Variants in EIF2AK4 observed in about 807,000 individuals in gnomAD.
EIF2AK4 encodes eIF-2-alpha kinase GCN2.
Under a neutral mutation model 211.1 loss-of-function variants are expected in EIF2AK4, and 139 were observed. The ratio of observed to expected loss-of-function variants is 0.66; its 90% CI spans 0.57 to 0.76. EIF2AK4 has a LOEUF of 0.76. EIF2AK4 is among the 30% of genes least tolerant of loss of function. EIF2AK4 has a pLI of 0.00. For missense variants in EIF2AK4, 1,664 were observed against 2,043.8 expected, an observed-to-expected ratio of 0.81 and a Z score of 3.58; for synonymous variants, 710 against 751.3, an observed-to-expected ratio of 0.94 and a Z score of 0.90.
At chr15:39,966,358 G>C (rs2034544061) in intron 8 of EIF2AK4, among the ~76,000 whole-genome samples, 1 of 151,842 alleles carries the variant, frequency 6.6e-6, no homozygotes, top group Non-Finnish European at 1.5e-5. Context: ...GGTCCCAGCT[G>C]CTTGGGAGGC....
At chr15:39,989,385 T>G (rs1260976600) in intron 15 of EIF2AK4, among the ~76,000 whole-genome samples, 3 of 152,222 alleles carry the variant, frequency 2.0e-5, no homozygotes, top group Non-Finnish European at 4.4e-5. Context: ...TTTACACATG[T>G]GTAGTTTGTA....
chr15:39,939,940 C>A (rs2034121831), intron 2 of EIF2AK4, among the ~76,000 whole-genome samples: 1 of 152,204 alleles, frequency 6.6e-6, no homozygotes, highest in African/African-American at 2.4e-5. Context: ...ACAATAAAGG[C>A]ATGGTGACTG....
At chr15:39,959,098 A>G (rs546626837) in intron 6 of EIF2AK4, among the ~76,000 whole-genome samples, 108 of 152,330 alleles carry the variant, frequency 7.1e-4, no homozygotes, top group Admixed American at 3.7e-3. Flanking sequence ...AACTGATAAC[A>G]TGGGTGATAT....
intron 33 of EIF2AK4, among the ~76,000 whole-genome samples, chr15:40,027,716 C>A (rs1454877232): frequency 6.6e-6 from 1 of 152,038 alleles, no homozygotes; most frequent in Non-Finnish European, 1.5e-5. Flanking sequence ...CGGTGAAACC[C>A]CGTCTCTACT....
chr15:40,017,515 A>T (rs1422079907), intron 29 of EIF2AK4, among the ~76,000 whole-genome samples: 1 of 11,486 alleles, frequency 8.7e-5, no homozygotes, highest in African/African-American at 3.8e-4. Context: ...ATATATATAT[A>T]TATATATATA....
At chr15:39,998,039 T>C (rs556043501) in intron 19 of EIF2AK4, among the ~76,000 whole-genome samples, 1 of 152,228 alleles carries the variant, frequency 6.6e-6, no homozygotes, top group Non-Finnish European at 1.5e-5. Flanking sequence ...ATTATTTTAC[T>C]GTGAGTACAG....
chr15:40,029,376 C>CT (rs2035508324), intron 33 of EIF2AK4, 30 bp from the exon 34 acceptor site: 1 of 1,610,346 alleles, frequency 6.2e-7, no homozygotes, highest in South Asian at 1.1e-5. Context: ...ATTGACTGTT[C>CT]TTTAATTGTT....
chr15:39,948,414 G>A (rs2034259072), intron 3 of EIF2AK4, among the ~76,000 whole-genome samples: 1 of 152,160 alleles, frequency 6.6e-6, no homozygotes, highest in Admixed American at 6.5e-5. Flanking sequence ...AGAAATCTTT[G>A]TTCTATTGAT....
intron 31 of EIF2AK4, 199 bp from the exon 32 acceptor site, chr15:40,022,320 G>A (rs2035402194): frequency 1.9e-6 from 1 of 523,658 alleles, no homozygotes; most frequent in African/African-American, 1.9e-5. Context: ...ATCATGAAGG[G>A]AAGGGAGGCA....
chr15:39,990,224 A>T, intron 15 of EIF2AK4, 49 bp from the exon 16 acceptor site: 1 of 1,576,598 alleles, frequency 6.3e-7, no homozygotes, highest in Non-Finnish European at 8.7e-7. Context: ...AGTAGGTATA[A>T]CTTTATGCAT....
At chr15:39,944,519 C>T (rs2140899334) in intron 3 of EIF2AK4, among the ~76,000 whole-genome samples, 1 of 148,206 alleles carries the variant, frequency 6.7e-6, no homozygotes, top group Non-Finnish European at 1.5e-5. Flanking sequence ...GCAAGCTCCG[C>T]CTCCCGGGTT....
rs2035455599 is a variant in EIF2AK4 at position 40,025,573 on chromosome 15, C to T, written c.4390-404C>T. On this transcript the variant is annotated intron_variant, in intron 32 of 38. Transcript: ENST00000263791. ...TAGATGAAGCTGAGATCTGAGAAAC[C>T]TTGGTGGCTGACCAGATTTAAAGGG... Among the ~76,000 whole-genome samples, 3 of 152,074 alleles carry T rather than the reference C, an allele frequency of 2.0e-5. 1 individual carries two copies. The South Asian group carries it at 6.2e-4, about 32-fold the overall frequency.
At chr15:40,008,291 T>A (rs2035188988) in intron 25 of EIF2AK4, 96 bp downstream of exon 25, 1 of 1,116,212 alleles carries the variant, frequency 9.0e-7, no homozygotes, top group Non-Finnish European at 1.2e-6. Context: ...CTTCTCAGTC[T>A]GTCCTGCAGA....
chr15:40,031,100 C>T (rs189772256), intron 35 of EIF2AK4, among the ~76,000 whole-genome samples: 65 of 152,096 alleles, frequency 4.3e-4, no homozygotes, highest in Admixed American at 2.7e-3. Flanking sequence ...ATTAGCCAAG[C>T]GTGGTGGCAA....
intron 9 of EIF2AK4, among the ~76,000 whole-genome samples, chr15:39,969,030 A>G (rs1161986860): frequency 6.6e-6 from 1 of 152,130 alleles, no homozygotes; most frequent in Non-Finnish European, 1.5e-5. Flanking sequence ...AGCTTTAAAC[A>G]TATTTATTTA....
chr15:39,937,100 T>G (rs995208938), intron 1 of EIF2AK4, among the ~76,000 whole-genome samples: 1 of 152,188 alleles, frequency 6.6e-6, no homozygotes, highest in African/African-American at 2.4e-5. Context: ...TATCTATAAT[T>G]TATAGATAGT....
intron 3 of EIF2AK4, 149 bp downstream of exon 3, chr15:39,943,634 TGTA>T: frequency 1.5e-6 from 1 of 665,446 alleles, no homozygotes; most frequent in Non-Finnish European, 2.4e-6. Flanking sequence ...TAATGAAATT[TGTA>T]GTCTATAGAT....
In EIF2AK4 at chr15:39,954,648, A is replaced by G. The variant is rs959609421; in HGVS notation, c.594+664A>G. ...CTGCCTGAAATTTCATCCAGTGATG[A>G]AAAAGAGTAATTCAACAGAGCAGAT... On this transcript the variant is annotated intron_variant, in intron 5 of 38. Transcript: ENST00000263791. 9.8e-5 allele frequency among the ~76,000 whole-genome samples: 15 copies of G among 152,364 alleles called. No homozygotes were observed. The East Asian group carries it at 2.9e-3, about 29-fold the overall frequency.
At chr15:40,034,816 A>G (rs534957592) in intron 38 of EIF2AK4, among the ~76,000 whole-genome samples, 12 of 152,362 alleles carry the variant, frequency 7.9e-5, no homozygotes, top group African/African-American at 1.2e-4. Context: ...AAGGAAGCCT[A>G]TGAGGTGAAT....
Sources: gnomAD v4.1 joint callset for allele counts (sites outside exome capture counted in the v4.1 genomes callset) on GRCh38, gnomAD v4.1.1 for gene constraint, MANE v1.5 for transcripts, NCBI Gene and HGNC (gene_info 2026-07-23, HGNC 2026-07-21) for gene names.